Variants in FRMPD2 observed in about 807,000 individuals in gnomAD.
FRMPD2 encodes the protein FERM and PDZ domain-containing protein 2.
Under a neutral mutation model 140.1 loss-of-function variants are expected in FRMPD2, and 96 were observed. The observed-to-expected ratio is 0.69, with a 90% CI of 0.58 to 0.81. The LOEUF is 0.81. FRMPD2 is among the 40% of genes least tolerant of loss of function. The pLI is 0.00. For synonymous variants in FRMPD2, 449 were observed against 547.6 expected (o/e 0.82, Z 2.52); for missense variants, 1,240 against 1,447.4 (o/e 0.86, Z 2.32).
At chr10:48,208,277 C>T (rs542621398) in intron 13 of FRMPD2, among the ~76,000 whole-genome samples, 18 of 152,270 alleles carry the variant, frequency 1.2e-4, no homozygotes, top group African/African-American at 3.4e-4. Context: ...TAATAAAAGT[C>T]ATGCCTTTGC....
intron 1 of FRMPD2, among the ~76,000 whole-genome samples, chr10:48,252,488 C>T (rs544932389): frequency 2.6e-5 from 4 of 152,058 alleles, no homozygotes; most frequent in African/African-American, 7.2e-5. Flanking sequence ...TCAAGCAGGG[C>T]GGGTGTGCAG....
intron 16 of FRMPD2, among the ~76,000 whole-genome samples, chr10:48,188,348 G>C (rs1021076275): frequency 1.3e-5 from 2 of 152,214 alleles, no homozygotes; most frequent in Admixed American, 6.5e-5. Context: ...GGGGCGGTGG[G>C]GGGAGGAGAA....
At chr10:48,236,613 G>T in intron 8 of FRMPD2, 60 bp from the exon 9 acceptor site, 1 of 1,509,350 alleles carries the variant, frequency 6.6e-7, no homozygotes, top group South Asian at 1.1e-5. Flanking sequence ...TTGGGTCTGG[G>T]CTTCCCCCAT....
chr10:48,246,402 C>T (rs916777084), intron 3 of FRMPD2, among the ~76,000 whole-genome samples: 3 of 152,198 alleles, frequency 2.0e-5, no homozygotes, highest in Non-Finnish European at 4.4e-5. Context: ...AAGGCTTCAT[C>T]CAAAATTCTA....
chr10:48,221,230 C>T (rs1839579915), intron 12 of FRMPD2, among the ~76,000 whole-genome samples: 1 of 152,068 alleles, frequency 6.6e-6, no homozygotes, highest in South Asian at 2.1e-4. Flanking sequence ...TATATATATA[C>T]CACAATTTCT....
At chr10:48,187,054 A>G in intron 17 of FRMPD2, 138 bp downstream of exon 17, 2 of 618,544 alleles carry the variant, frequency 3.2e-6, no homozygotes, top group Non-Finnish European at 5.7e-6. Context: ...CAAGTAGTTT[A>G]AAAAGAAAAC....
At chr10:48,161,450 C>T (rs1837939234) in intron 28 of FRMPD2, among the ~76,000 whole-genome samples, 1 of 151,562 alleles carries the variant, frequency 6.6e-6, no homozygotes, top group Non-Finnish European at 1.5e-5. Context: ...AAGTAGAAGA[C>T]ATAAAGAGGC....
intron 23 of FRMPD2, among the ~76,000 whole-genome samples, chr10:48,175,301 AT>A (rs1186553760): frequency 2.0e-5 from 3 of 152,000 alleles, no homozygotes; most frequent in African/African-American, 7.3e-5. Context: ...TCCAGCATGT[AT>A]TTTTTTTATT....
intron 12 of FRMPD2, among the ~76,000 whole-genome samples, chr10:48,214,342 G>T (rs780814911): frequency 2.0e-5 from 3 of 152,108 alleles, no homozygotes; most frequent in African/African-American, 7.2e-5. Flanking sequence ...ATAGCATAAT[G>T]GTAGATACAT....
chr10:48,203,881 C>T (rs964588186), intron 14 of FRMPD2, among the ~76,000 whole-genome samples: 1 of 152,176 alleles, frequency 6.6e-6, no homozygotes, highest in Admixed American at 6.5e-5. Context: ...TGCCACGTCC[C>T]TTCGCACCAG....
Position 48,231,494 on chromosome 10 carries a change from T to G in FRMPD2, c.1168+621A>C, listed in dbSNP as rs1000076901. On this transcript the variant is annotated intron_variant, in intron 10 of 28. Transcript: ENST00000374201. The stretch of plus-strand genomic sequence containing the variant: ...CCCTTGGAACCAATCACCTTTTTGT[T>G]TCAAAACAACTCACATGTACTTCTC... 1.5e-4 allele frequency among the ~76,000 whole-genome samples: 23 copies of G among 152,328 alleles called. 1 individual carries two copies. The highest frequency in any genetic ancestry group is 5.5e-4 in the African/African-American group (23 of 41,570).
Position 48,192,680 on chromosome 10 carries a change from C to T in FRMPD2, c.2165+4G>A. On this transcript the variant is annotated splice_donor_region_variant and intron_variant, in intron 16 of 28. Transcript: ENST00000374201. ...GGCCCAGAGAACAAATGTGTCACAC[C>T]CACCTGCGCCCGATGCCTTCTGCTC... The T allele has an allele frequency of 6.2e-7, 1 of 1,613,320 alleles. No homozygotes were observed. The highest frequency in any genetic ancestry group is 8.5e-7 in the Non-Finnish European group (1 of 1,179,540).
rs531479792 is a variant in FRMPD2 at position 48,188,904 on chromosome 10, G to A, written c.2166-1612C>T. Among the ~76,000 whole-genome samples, 3 of 152,346 alleles carry A rather than the reference G, an allele frequency of 2.0e-5. No homozygotes were observed. In the South Asian group the frequency reaches 6.2e-4, roughly 32 times the overall value. ...TGGAGCAGTCACATTCATAGACCAG[G>A]AGGAGCACGGCAGCGGCCAGGGGCT... On this transcript the variant is annotated intron_variant, in intron 16 of 28. Transcript: ENST00000374201.
intron 13 of FRMPD2, among the ~76,000 whole-genome samples, chr10:48,209,854 A>G (rs988979636): frequency 2.0e-5 from 3 of 152,264 alleles, no homozygotes; most frequent in African/African-American, 7.2e-5. Context: ...CCCATATTGG[A>G]AACCATTTAT....
At chr10:48,238,596 G>A (rs1027154516) in intron 7 of FRMPD2, among the ~76,000 whole-genome samples, 13 of 152,140 alleles carry the variant, frequency 8.5e-5, no homozygotes, top group African/African-American at 2.9e-4. Context: ...TAAACTCTAC[G>A]ATATCCAATC....
chr10:48,202,870 A>T (rs989959278), intron 14 of FRMPD2, among the ~76,000 whole-genome samples: 1 of 152,170 alleles, frequency 6.6e-6, no homozygotes, highest in African/African-American at 2.4e-5. Flanking sequence ...ACACAATCAT[A>T]GTTCACTGAT....
chr10:48,185,488 A>C, intron 18 of FRMPD2, 65 bp downstream of exon 18: 1 of 1,111,378 alleles, frequency 9.0e-7, no homozygotes, highest in Non-Finnish European at 1.4e-6. Flanking sequence ...AAGGGAAAAC[A>C]GTACCCACCT....
chr10:48,165,493 C>G (rs1838076546), intron 27 of FRMPD2, among the ~76,000 whole-genome samples: 1 of 114,036 alleles, frequency 8.8e-6, no homozygotes, highest in African/African-American at 3.6e-5. Context: ...CTGTCCTTAC[C>G]ACCCAAGGGA....
intron 15 of FRMPD2, among the ~76,000 whole-genome samples, chr10:48,200,616 G>A (rs1054769169): frequency 2.6e-5 from 4 of 152,154 alleles, no homozygotes; most frequent in African/African-American, 7.2e-5. Context: ...TGTTGCTAGT[G>A]ACTCCCACAC....
Sources: gnomAD v4.1 joint callset for allele counts (sites outside exome capture counted in the v4.1 genomes callset) on GRCh38, gnomAD v4.1.1 for gene constraint, MANE v1.5 for transcripts, NCBI Gene and HGNC (gene_info 2026-07-23, HGNC 2026-07-21) for gene names.